The following PGBD4 variants were observed in gnomAD, a reference collection of about 807,000 sequenced individuals.
The protein encoded by PGBD4 is piggyBac transposable element derived 4.
A neutral mutation model predicts 0.3 loss-of-function variants in PGBD4; 1 was observed. The ratio of observed to expected loss-of-function variants is 3.72; its 90% CI spans 1.32 to 17.64. PGBD4 has a LOEUF of 17.64. PGBD4 is among the 30% of genes most tolerant of loss of function. The pLI, the probability that PGBD4 is intolerant of heterozygous loss-of-function variation, is 0.11. For missense variants in PGBD4, 624 were observed against 719.7 expected (o/e 0.87, Z 1.52); for synonymous variants, 253 against 267.7 (o/e 0.95, Z 0.54).
In PGBD4 at chr15:34,104,658, G is replaced by GTTTTT. The variant is rs1567506018; in HGVS notation, c.*373_*374insTTTTT. 1 of 170,714 alleles carries GTTTTT rather than the reference G, an allele frequency of 5.9e-6. No individual in the cohort carries two copies. Among genetic ancestry groups the GTTTTT allele is most frequent in the Non-Finnish European group, 1.2e-5 (1 of 80,692 alleles). 10.6% of individuals were successfully genotyped at this position (170,714 alleles called of 1,614,324 possible). A position where few individuals can be genotyped will look rare whatever the true frequency, so the allele number is the denominator to read the frequency against. ...TGTTGTTTTTGTTTTGTTTTGTTTTGTTTTGAGACGGAGTTTCACTCTTGT... is the reference window on the plus strand; with the variant it reads ...TGTTGTTTTTGTTTTGTTTTGTTTTGTTTTTTTTTGAGACGGAGTTTCACTCTTGT... On this transcript the variant is annotated 3_prime_UTR_variant, in exon 1 of 1. Coordinates refer to ENST00000397766, the MANE Select transcript of PGBD4 (RefSeq NM_152595.5).
chr15:34,102,691 C>G lies in PGBD4; in HGVS notation c.160C>G (p.Leu54Val), dbSNP rs1306768651. The G allele has an allele frequency of 6.2e-7, 1 of 1,614,032 alleles. No homozygotes were observed. The highest frequency in any genetic ancestry group is 1.3e-5 in the African/African-American group (1 of 74,910). Residue 54 changes from leucine to valine, a missense_variant, in exon 1 of 1, where the codon CTG becomes GTG. Physicochemically the swap from Leu to Val is conservative, Grantham distance 32. Coordinates refer to ENST00000397766, the MANE Select transcript of PGBD4 (RefSeq NM_152595.5). This position sits in a 1 kb window ranked among gnomAD's most constrained non-coding sequence, Gnocchi z 4.7. ...TTTAGAAGCCGATAAGATCAGGCCT[C>G]TGTCCCATTTAGAATCTGATGGAAA... ...SALEADKIRPLSHLESDGKSS... is the reference protein window; with the variant it reads ...SALEADKIRPVSHLESDGKSS...
Position 34,103,610 on chromosome 15 carries a change from AG to A in PGBD4, c.1080del (p.Ile361PhefsTer5), listed in dbSNP as rs1567505539. The A allele has an allele frequency of 6.2e-7, 1 of 1,614,242 alleles. No homozygotes were observed. The highest frequency in any genetic ancestry group is 1.7e-5 in the Admixed American group (1 of 60,020). ...AVGTARLNRK[Q>X]IPNDLKKRIA... ...GGGACAGCTCGTTTGAACAGAAAAC[AG>A]ATTCCAAATGATCTGAAAAAAAGGA... is the stretch of plus-strand genomic sequence containing the variant. On this transcript the variant is annotated frameshift_variant, in exon 1 of 1. Transcript: ENST00000397766. LOFTEE classifies it low-confidence loss of function (END_TRUNC). This position sits in a 1 kb window ranked among gnomAD's most constrained non-coding sequence, Gnocchi z 4.6.
At position 34,102,576 on chromosome 15, in the gene PGBD4, T is replaced by C. The variant is rs1170454529; in HGVS notation, c.45T>C (p.Asn15=). 4 of 1,593,180 alleles carry C rather than the reference T, an allele frequency of 2.5e-6. No homozygotes were observed. The highest frequency in any genetic ancestry group is 3.4e-6 in the Non-Finnish European group (4 of 1,168,628). The change falls in exon 1 of 1, where the codon AAT becomes AAC. Residue 15 remains asparagine, a synonymous_variant. Coordinates refer to ENST00000397766, the MANE Select transcript of PGBD4 (RefSeq NM_152595.5). The surrounding 1 kb of genome is among the most constrained non-coding windows in gnomAD (Gnocchi z 4.7). ...RKRSIPMRDS[N]TGLEQLLAED... ...GTAGCATTCCTATGCGTGATAGTAATACCGGTCTCGAACAGTTGTTGGCTG... is the reference window on the plus strand; with the variant it reads ...GTAGCATTCCTATGCGTGATAGTAACACCGGTCTCGAACAGTTGTTGGCTG...
At position 34,102,511 on chromosome 15, in the gene PGBD4, T is replaced by C. The variant is rs1299313406; in HGVS notation, c.-21T>C. ...TAGTGGGATTTCCATCTACAAAATATAGTAATTCTCGATCGCTGAAATGTC... is the reference window on the plus strand; with the variant it reads ...TAGTGGGATTTCCATCTACAAAATACAGTAATTCTCGATCGCTGAAATGTC... On this transcript the variant is annotated 5_prime_UTR_variant, in exon 1 of 1. Transcript: ENST00000397766. This position sits in a 1 kb window ranked among gnomAD's most constrained non-coding sequence, Gnocchi z 4.7. 1.9e-5 allele frequency: 28 copies of C among 1,488,346 alleles called. No individual in the cohort carries two copies. The Admixed American group carries it at 4.4e-4, about 23-fold the overall frequency. 92.2% of individuals were successfully genotyped at this position (1,488,346 alleles called of 1,614,324 possible). A position where few individuals can be genotyped will look rare whatever the true frequency, so the allele number is the denominator to read the frequency against.
rs748370068 is a variant in PGBD4 at position 34,102,560 on chromosome 15, C to T, written c.29C>T (p.Pro10Leu). Residue 10 changes from proline to leucine, a missense_variant, in exon 1 of 1, where the codon CCT becomes CTT. Coordinates refer to ENST00000397766, the MANE Select transcript of PGBD4 (RefSeq NM_152595.5). This position sits in a 1 kb window ranked among gnomAD's most constrained non-coding sequence, Gnocchi z 4.7. MSNPRKRSIPMRDSNTGLEQ... is the reference protein window; with the variant it reads MSNPRKRSILMRDSNTGLEQ... ...TCAAATCCTAGAAAACGTAGCATTCCTATGCGTGATAGTAATACCGGTCTC... is the reference window on the plus strand; with the variant it reads ...TCAAATCCTAGAAAACGTAGCATTCTTATGCGTGATAGTAATACCGGTCTC... 2.7e-5 allele frequency: 43 copies of T among 1,567,866 alleles called. No individual in the cohort carries two copies. The highest frequency in any genetic ancestry group is 3.7e-5 in the Non-Finnish European group (43 of 1,155,164).
rs1468006773 is a variant in PGBD4, at chr15:34,106,698, A to C, written c.*2409A>C. The C allele has an allele frequency of 1.3e-5, 2 of 151,798 alleles. No homozygotes were observed. Among genetic ancestry groups the C allele is most frequent in the Non-Finnish European group, 2.9e-5 (2 of 67,890 alleles). 9.4% of individuals were successfully genotyped at this position (151,798 alleles called of 1,614,324 possible). On this transcript the variant is annotated 3_prime_UTR_variant, in exon 1 of 1. Transcript: ENST00000397766. Reference sequence around the variant, plus strand: ...CACCTACTTCTCTCCCTAGTCACCCAATTCTCAAGAGGCAATCACTGTTGC... The same window carrying C: ...CACCTACTTCTCTCCCTAGTCACCCCATTCTCAAGAGGCAATCACTGTTGC...
Position 34,104,274 on chromosome 15 carries a change from G to C in PGBD4, c.1743G>C (p.Thr581=), listed in dbSNP as rs368439590. ...TTCCGTGCTTTGAAATTTACCACAC[G>C]AAAAAAAATTATTAAATACCGATCA... ...CVVPCFEIYH[T]KKNY The change falls in exon 1 of 1, where the codon ACG becomes ACC. Residue 581 remains threonine (T), a synonymous_variant. Coordinates refer to ENST00000397766, the MANE Select transcript of PGBD4 (RefSeq NM_152595.5). The C allele has an allele frequency of 1.9e-6, 3 of 1,604,662 alleles. No homozygotes were observed. Among genetic ancestry groups the C allele is most frequent in the South Asian group, 1.1e-5 (1 of 89,682 alleles).
In PGBD4 at chr15:34,103,527, C is replaced by T; in HGVS notation, c.996C>T (p.Asn332=). Residue 332 remains asparagine (N), a synonymous_variant, in exon 1 of 1, where the codon AAC becomes AAT. Transcript: ENST00000397766. This position sits in a 1 kb window ranked among gnomAD's most constrained non-coding sequence, Gnocchi z 4.6. Reference sequence around the variant, plus strand: ...AAGGGTATTGTGTCTTCCTCGATAACTTTAATATATCTCCCATGCTTTTCA... The same window carrying T: ...AAGGGTATTGTGTCTTCCTCGATAATTTTAATATATCTCCCATGCTTTTCA... The part of the protein sequence containing the change: ...LGQGYCVFLD[N]FNISPMLFRE... 2 of 1,614,216 alleles carry T rather than the reference C, an allele frequency of 1.2e-6. No homozygotes were observed. Among genetic ancestry groups the T allele is most frequent in the Non-Finnish European group, 8.5e-7 (1 of 1,180,042 alleles).
rs373391573 is a variant in PGBD4, at chr15:34,102,535, T to A, written c.4T>A (p.Ser2Thr). M[S>T]NPRKRSIPMR... Reference sequence around the variant, plus strand: ...ATAGTAATTCTCGATCGCTGAAATGTCAAATCCTAGAAAACGTAGCATTCC... The same window carrying A: ...ATAGTAATTCTCGATCGCTGAAATGACAAATCCTAGAAAACGTAGCATTCC... The change falls in exon 1 of 1, where the codon TCA becomes ACA. Residue 2 changes from serine (S) to threonine (T), a missense_variant. Coordinates refer to ENST00000397766, the MANE Select transcript of PGBD4 (RefSeq NM_152595.5). The surrounding 1 kb of genome is among the most constrained non-coding windows in gnomAD (Gnocchi z 4.7). 1.1e-4 allele frequency: 174 copies of A among 1,519,036 alleles called. No homozygotes were observed. The Middle Eastern group carries it at 4.0e-3, about 35-fold the overall frequency. The allele number at this position is 1,519,036 out of a possible 1,614,324, so 94.1% of individuals were successfully genotyped here. A position where few individuals can be genotyped will look rare whatever the true frequency, so the allele number is the denominator to read the frequency against.
rs574119142 is a variant in PGBD4, at chr15:34,104,073, C to A, written c.1542C>A (p.Val514=). 6.2e-7 allele frequency: 1 copy of A among 1,614,190 alleles called. No homozygotes were observed. Among genetic ancestry groups the A allele is most frequent in the East Asian group, 2.2e-5 (1 of 44,888 alleles). Residue 514 remains valine (V), a synonymous_variant, in exon 1 of 1, where the codon GTC becomes GTA. Transcript: ENST00000397766. ...GAGGTCGTCCTTGCTCCGATGATGTCACACCTCTTCGTCTGTCTGGAAGAC... is the reference window on the plus strand; with the variant it reads ...GAGGTCGTCCTTGCTCCGATGATGTAACACCTCTTCGTCTGTCTGGAAGAC... The part of the protein sequence containing the change: ...HLRGRPCSDD[V]TPLRLSGRHF...
In PGBD4 at chr15:34,103,096, A is replaced by G; in HGVS notation, c.565A>G (p.Arg189Gly). The stretch of plus-strand genomic sequence containing the variant: ...GCCTCTTTTGGATACACCTTATCTC[A>G]GGCAAATTATGACTGGTGAAAGATT... ...TRPLLDTPYLRQIMTGERFLL... is the reference protein window; with the variant it reads ...TRPLLDTPYLGQIMTGERFLL... The change falls in exon 1 of 1, where the codon AGG becomes GGG. Residue 189 changes from arginine to glycine, a missense_variant. By Grantham distance (125) the Arg-to-Gly change is moderately radical. Transcript: ENST00000397766. The surrounding 1 kb of genome is among the most constrained non-coding windows in gnomAD (Gnocchi z 4.6). 1 of 1,613,852 alleles carries G rather than the reference A, an allele frequency of 6.2e-7. No individual in the cohort carries two copies. Among genetic ancestry groups the G allele is most frequent in the Non-Finnish European group, 8.5e-7 (1 of 1,179,972 alleles).
At position 34,106,045 on chromosome 15, in the gene PGBD4, C is replaced by G. The variant is rs958707107; in HGVS notation, c.*1756C>G. 4 of 167,158 alleles carry G rather than the reference C, an allele frequency of 2.4e-5. No individual in the cohort carries two copies. The highest frequency in any genetic ancestry group is 4.8e-5 in the African/African-American group (2 of 41,456). 10.4% of individuals were successfully genotyped at this position (167,158 alleles called of 1,614,324 possible). A position where few individuals can be genotyped will look rare whatever the true frequency, so the allele number is the denominator to read the frequency against. On this transcript the variant is annotated 3_prime_UTR_variant, in exon 1 of 1. Coordinates refer to ENST00000397766, the MANE Select transcript of PGBD4 (RefSeq NM_152595.5). ...CAATGACTTCGCTTTGTTCCTCGTG[C>G]CTCTGAACAGACTGCTGAGATACCC...
Position 34,103,783 on chromosome 15 carries a change from C to T in PGBD4, c.1252C>T (p.Pro418Ser), listed in dbSNP as rs989171624. The T allele has an allele frequency of 2.5e-6, 4 of 1,613,986 alleles. No individual in the cohort carries two copies. In the African/African-American group the frequency reaches 5.3e-5, roughly 22 times the overall value. ...TAGAAATGGAAAGAAAACTAAAAGGCCACGTGTCATTGTGGATTATAACGA... is the reference window on the plus strand; with the variant it reads ...TAGAAATGGAAAGAAAACTAAAAGGTCACGTGTCATTGTGGATTATAACGA... ...NNRNGKKTKR[P>S]RVIVDYNENM... Residue 418 changes from proline to serine, a missense_variant, in exon 1 of 1, where the codon CCA becomes TCA. Physicochemically the swap from Pro to Ser is moderately conservative, Grantham distance 74. Transcript: ENST00000397766. The surrounding 1 kb of genome is among the most constrained non-coding windows in gnomAD (Gnocchi z 4.6).
At position 34,108,382 on chromosome 15, in the gene PGBD4, T is replaced by C. The variant is rs1307440791; in HGVS notation, c.*4093T>C. ...CCATGTGTTCAGCCAAGGATAGTTA[T>C]CATGAAGGATAAAAGCCTCAAAATC... On this transcript the variant is annotated 3_prime_UTR_variant, in exon 1 of 1. Transcript: ENST00000397766. 2 of 152,230 alleles carry C rather than the reference T, an allele frequency of 1.3e-5. No homozygotes were observed. The highest frequency in any genetic ancestry group is 4.8e-5 in the African/African-American group (2 of 41,466). 9.4% of individuals were successfully genotyped at this position (152,230 alleles called of 1,614,324 possible).
At position 34,102,404 on chromosome 15, in the gene PGBD4, G is replaced by T; in HGVS notation, c.-128G>T. ...CCCAAAGTTTGCCACGAAATATCTC[G>T]CTTCTGTTATTTTCGCATGGTTCTG... On this transcript the variant is annotated 5_prime_UTR_variant, in exon 1 of 1. Transcript: ENST00000397766. This position sits in a 1 kb window ranked among gnomAD's most constrained non-coding sequence, Gnocchi z 4.7. 1 of 1,363,304 alleles carries T rather than the reference G, an allele frequency of 7.3e-7. No homozygotes were observed. Among genetic ancestry groups the T allele is most frequent in the South Asian group, 1.7e-5 (1 of 59,678 alleles). 84.5% of individuals were successfully genotyped at this position (1,363,304 alleles called of 1,614,324 possible).
rs935694474 is a variant in PGBD4 at position 34,107,291 on chromosome 15, G to T, written c.*3002G>T. On this transcript the variant is annotated 3_prime_UTR_variant, in exon 1 of 1. Transcript: ENST00000397766. ...TTATTCGTACATAAAAAGCTTCATA[G>T]TTCCTTTTTATGGCTGCAAAATGTT... is the stretch of plus-strand genomic sequence containing the variant. The T allele has an allele frequency of 4.6e-5, 7 of 151,964 alleles. No homozygotes were observed. Among genetic ancestry groups the T allele is most frequent in the African/African-American group, 1.5e-4 (6 of 41,350 alleles). The allele number at this position is 151,964 out of a possible 1,614,324, so 9.4% of individuals were successfully genotyped here. A position where few individuals can be genotyped will look rare whatever the true frequency, so the allele number is the denominator to read the frequency against.
chr15:34,106,041 C>T lies in PGBD4; in HGVS notation c.*1752C>T, dbSNP rs139068414. On this transcript the variant is annotated 3_prime_UTR_variant, in exon 1 of 1. Coordinates refer to ENST00000397766, the MANE Select transcript of PGBD4 (RefSeq NM_152595.5). ...TTACCAATGACTTCGCTTTGTTCCT[C>T]GTGCCTCTGAACAGACTGCTGAGAT... 9.4e-4 allele frequency: 157 copies of T among 167,246 alleles called. 1 individual carries two copies. Among genetic ancestry groups the T allele is most frequent in the African/African-American group, 3.3e-3 (137 of 41,570 alleles). 10.4% of individuals were successfully genotyped at this position (167,246 alleles called of 1,614,324 possible).
Position 34,103,268 on chromosome 15 carries a change from A to G in PGBD4, c.737A>G (p.Asn246Ser), listed in dbSNP as rs1901212825. Residue 246 changes from asparagine to serine, a missense_variant, in exon 1 of 1, where the codon AAC becomes AGC. Coordinates refer to ENST00000397766, the MANE Select transcript of PGBD4 (RefSeq NM_152595.5). The surrounding 1 kb of genome is among the most constrained non-coding windows in gnomAD (Gnocchi z 4.6). The part of the protein sequence containing the change: ...KFSTVYTPNR[N>S]IAVDESLMLF... ...TCCACTGTATATACTCCAAACAGAA[A>G]CATTGCAGTTGATGAATCACTGATG... 6.2e-7 allele frequency: 1 copy of G among 1,614,124 alleles called. No individual in the cohort carries two copies. Among genetic ancestry groups the G allele is most frequent in the African/African-American group, 1.3e-5 (1 of 74,954 alleles).
Position 34,102,442 on chromosome 15 carries a change from T to C in PGBD4, c.-90T>C. On this transcript the variant is annotated 5_prime_UTR_variant, in exon 1 of 1. Transcript: ENST00000397766. This position sits in a 1 kb window ranked among gnomAD's most constrained non-coding sequence, Gnocchi z 4.7. ...TCGCATGGTTCTGGTATATTGACTT[T>C]TGAAACAAAAGACATCATTCTGTTT... is the stretch of plus-strand genomic sequence containing the variant. 7.0e-7 allele frequency: 1 copy of C among 1,434,928 alleles called. No individual in the cohort carries two copies. Among genetic ancestry groups the C allele is most frequent in the Non-Finnish European group, 9.1e-7 (1 of 1,099,366 alleles). 88.9% of individuals were successfully genotyped at this position (1,434,928 alleles called of 1,614,324 possible).
Sources: allele counts gnomAD v4.1 joint callset, GRCh38; gene constraint gnomAD v4.1.1; non-coding constraint Gnocchi (gnomAD v3.1); transcripts MANE v1.5; gene names NCBI Gene and HGNC (gene_info 2026-07-23, HGNC 2026-07-21).